Variants in ESR2 observed in about 807,000 individuals in gnomAD.
ESR2 encodes estrogen receptor beta.
Under a neutral mutation model 49.6 loss-of-function variants are expected in ESR2, and 36 were observed. The ratio of observed to expected loss-of-function variants is 0.73; its 90% CI spans 0.56 to 0.96. The LOEUF is 0.96. Ranked by LOEUF, ESR2 falls within the 40% of genes least tolerant of loss-of-function variation. The pLI is 0.00. For synonymous variants in ESR2, 320 were observed against 266.1 expected (o/e 1.20, Z -1.97); for missense variants, 714 against 693.0 (o/e 1.03, Z -0.34).
chr14:64,269,154 T>C (rs1305222524), intron 3 of ESR2, among the ~76,000 whole-genome samples: 1 of 152,200 alleles, frequency 6.6e-6, no homozygotes, highest in Non-Finnish European at 1.5e-5. Flanking sequence ...ATTCTTAGAA[T>C]TCTCAAAAGA....
In ESR2 at chr14:64,246,734, C is replaced by CAAAAAAAAAAAA. The variant is rs71123836; in HGVS notation, c.1225+2800_1225+2811dup. Reference sequence around the variant, plus strand: ...CCTGGCCAACACAGGAAGACTCTGTCAAAAAAAAAAAAAAAAAAAAAAAAA... The same window carrying CAAAAAAAAAAAA: ...CCTGGCCAACACAGGAAGACTCTGTCAAAAAAAAAAAAAAAAAAAAAAAAAAAAAAAAAAAAA... On this transcript the variant is annotated intron_variant, in intron 7 of 8. Coordinates refer to ENST00000341099, the MANE Select transcript of ESR2 (RefSeq NM_001437.3). 5.8e-4 allele frequency among the ~76,000 whole-genome samples: 21 copies of CAAAAAAAAAAAA among 36,452 alleles called. 2 individuals are homozygous for CAAAAAAAAAAAA. Among genetic ancestry groups the CAAAAAAAAAAAA allele is most frequent in the African/African-American group, 2.2e-3 (17 of 7,860 alleles). The allele number at this position is 36,452 out of a possible 152,430, so 23.9% of individuals were successfully genotyped here. A position where few individuals can be genotyped will look rare whatever the true frequency, so the allele number is the denominator to read the frequency against.
intron 3 of ESR2, among the ~76,000 whole-genome samples, chr14:64,274,928 T>A (rs899322175): frequency 9.8e-5 from 15 of 152,334 alleles, no homozygotes; most frequent in African/African-American, 2.9e-4. Context: ...TTTATTGATT[T>A]CTAGTTTTAT....
chr14:64,297,747 T>C (rs747951719), upstream of ESR2: 1 of 152,030 alleles, frequency 6.6e-6, no homozygotes. Flanking sequence ...CAAAAGCTAA[T>C]AGGAAAAGTG....
Position 64,335,897 on chromosome 14 carries a change from C to T in ESR2, c.-91+2001G>A, listed in dbSNP as rs140715162. 1,447 of 150,862 alleles carry T rather than the reference C, an allele frequency of 9.6e-3. 14 individuals carry two copies. The highest frequency in any genetic ancestry group is 0.024 in the South Asian group (112 of 4,696). 9.3% of individuals were successfully genotyped at this position (150,862 alleles called of 1,614,324 possible). ...TCGGCTTACTGCAACCTCCACCTCC[C>T]GGGTTCAAGTGATTCTCCTGCCTCA... On this transcript the variant is annotated intron_variant, in intron 1 of 8. Coordinates refer to the ESR2 transcript ENST00000358599.
intron 1 of ESR2, among the ~76,000 whole-genome samples, chr14:64,308,328 T>C (rs936236651): frequency 5.9e-5 from 9 of 152,178 alleles, no homozygotes; most frequent in Non-Finnish European, 8.8e-5. Flanking sequence ...TTTTCTAATA[T>C]AGGCATTTAG....
Position 64,280,018 on chromosome 14 carries a change from A to C in ESR2, c.498T>G (p.Cys166Trp). Residue 166 changes from cysteine (C) to tryptophan (W), a missense_variant, in exon 3 of 9, where the codon TGT becomes TGG. Cys to Trp is a radical substitution (Grantham distance 215). Transcript: ENST00000341099. ...TTTTAAAAAAGGCCTTACATCCTTC[A>C]CACGACCAGACTCCATAGTGATATC... ...ASGYHYGVWSCEGCKAFFKRS... is the reference protein window; with the variant it reads ...ASGYHYGVWSWEGCKAFFKRS... The C allele has an allele frequency of 6.2e-7, 1 of 1,614,214 alleles. No individual in the cohort carries two copies. Among genetic ancestry groups the C allele is most frequent in the Non-Finnish European group, 8.5e-7 (1 of 1,180,018 alleles).
chr14:64,323,144 AATT>A (rs370689895), intron 1 of ESR2, among the ~76,000 whole-genome samples: 14 of 152,296 alleles, frequency 9.2e-5, no homozygotes, highest in African/African-American at 3.4e-4. Context: ...GCAGAGAGAA[AATT>A]ATTATTTCCT....
At chr14:64,228,153 A>T (rs2098723813), downstream of ESR2, 1 of 940,042 alleles carries the variant, frequency 1.1e-6, no homozygotes, top group South Asian at 2.9e-5. Flanking sequence ...CTGAAATTGT[A>T]CTCAAGCATT....
intron 1 of ESR2, among the ~76,000 whole-genome samples, chr14:64,334,227 CTAG>C (rs1446202854): frequency 1.3e-5 from 2 of 152,138 alleles, no homozygotes; most frequent in African/African-American, 2.4e-5. Flanking sequence ...ACCACCAAAC[CTAG>C]TAGATTACAA....
At chr14:64,315,252 A>AT (rs1277533748) in intron 1 of ESR2, among the ~76,000 whole-genome samples, 14 of 137,750 alleles carry the variant, frequency 1.0e-4, no homozygotes. Context: ...TCAAAAAAAA[A>AT]AAAAAAAAAA....
chr14:64,308,017 T>C (rs1327943455), intron 1 of ESR2, among the ~76,000 whole-genome samples: 5 of 152,120 alleles, frequency 3.3e-5, no homozygotes, highest in Admixed American at 3.3e-4. Context: ...TGTTTGTTGT[T>C]TTTGTTGTTG....
intron 6 of ESR2, among the ~76,000 whole-genome samples, chr14:64,251,608 C>G (rs1171961594): frequency 6.6e-6 from 1 of 152,160 alleles, no homozygotes; most frequent in African/African-American, 2.4e-5. Context: ...GGTTGGCATA[C>G]TGAGGTATTT....
intron 1 of ESR2, among the ~76,000 whole-genome samples, chr14:64,285,841 AAG>A (rs1567779088): frequency 7.4e-6 from 1 of 134,646 alleles, no homozygotes; most frequent in African/African-American, 2.9e-5. Flanking sequence ...AAAAAAAAAA[AAG>A]AAAAAGAAAA....
intron 6 of ESR2, among the ~76,000 whole-genome samples, chr14:64,253,594 GTGTGTGTGTGTATGTATGTGTGTGTA>G (rs1329911427): frequency 2.1e-5 from 3 of 141,546 alleles, no homozygotes; most frequent in African/African-American, 8.4e-5. Flanking sequence ...GTGTGTGTGT[GTGTGTGTGTGTATGTATGTGTGTGTA>G]TATATATATA....
chr14:64,269,050 A>ACC, intron 3 of ESR2, 139 bp from the exon 4 acceptor site: 1 of 583,810 alleles, frequency 1.7e-6, no homozygotes, highest in Admixed American at 3.1e-5. Flanking sequence ...GTACAAAGCC[A>ACC]AAGTCAAGCT....
At chr14:64,321,021 T>G (rs1490157480) in intron 1 of ESR2, among the ~76,000 whole-genome samples, 1 of 152,160 alleles carries the variant, frequency 6.6e-6, no homozygotes, top group Non-Finnish European at 1.5e-5. Context: ...TATAGTCAAT[T>G]TTTCTGTAAC....
intron 3 of ESR2, among the ~76,000 whole-genome samples, chr14:64,274,110 G>A (rs988187937): frequency 1.3e-5 from 2 of 149,208 alleles, no homozygotes; most frequent in Non-Finnish European, 3.0e-5. Flanking sequence ...TGGCTAATTT[G>A]TAATTTTTTT....
intron 1 of ESR2, among the ~76,000 whole-genome samples, chr14:64,318,122 T>G (rs1045797841): frequency 6.6e-6 from 1 of 152,164 alleles, no homozygotes; most frequent in Non-Finnish European, 1.5e-5. Context: ...CTTTTAAAAT[T>G]TCTGGAACTA....
chr14:64,234,448 A>G (rs1404923820), intron 8 of ESR2: 2 of 157,702 alleles, frequency 1.3e-5, no homozygotes, highest in African/African-American at 4.8e-5. Flanking sequence ...AACATGCCCT[A>G]CCTACAGCCC....
Sources: allele counts gnomAD v4.1 joint callset (sites outside exome capture counted in the v4.1 genomes callset), GRCh38; gene constraint gnomAD v4.1.1; transcripts MANE v1.5; gene names NCBI Gene and HGNC (gene_info 2026-07-23, HGNC 2026-07-21).